Variants in ZNF577 observed in about 807,000 individuals in gnomAD.
ZNF577 encodes the protein zinc finger protein 577.
ZNF577 carries 14 observed loss-of-function variants against 13.9 expected under a neutral mutation model. The observed-to-expected ratio is 1.00, with a 90% CI of 0.66 to 1.57. The LOEUF (loss-of-function observed/expected upper bound fraction) is 1.57. Among genes scored for constraint, ZNF577 ranks in the 40% most tolerant of loss-of-function variants. The pLI, the probability that ZNF577 is intolerant of heterozygous loss-of-function variation, is 0.00. For missense variants in ZNF577, 555 were observed against 579.2 expected (o/e 0.96, Z 0.43); for synonymous variants, 203 against 202.9 (o/e 1.00, Z 0.00).
chr19:51,880,209 C>T, intron 3 of ZNF577, 114 bp downstream of exon 3: 1 of 1,106,438 alleles, frequency 9.0e-7, no homozygotes, highest in Non-Finnish European at 1.4e-6. Context: ...AGGAAAAAGC[C>T]ATAGAAAACA....
intron 5 of ZNF577, among the ~76,000 whole-genome samples, chr19:51,847,764 G>C (rs945248033): frequency 6.6e-6 from 1 of 152,148 alleles, no homozygotes; most frequent in Non-Finnish European, 1.5e-5. Flanking sequence ...CAGCGCTGCG[G>C]GATTCCTAAG....
chr19:51,884,149 C>T (rs1049449093), intron 1 of ZNF577, among the ~76,000 whole-genome samples: 1 of 151,592 alleles, frequency 6.6e-6, no homozygotes, highest in Non-Finnish European at 1.5e-5. Flanking sequence ...AAGTGGCTCA[C>T]ACCCGTAATC....
rs761634180 is a variant in ZNF577, at chr19:51,872,741, T to A, written c.1249A>T (p.Met417Leu). Residue 417 changes from methionine to leucine, a missense_variant, in exon 6 of 6, where the codon ATG becomes TTG. Transcript: ENST00000638348. ...AATGGCGGGGTTCCTGAGGAAGGCA[T>A]TTCTATAGGTACTGTGTTCACAGTC... ...QKTVNTVPIE[M>L]PSSGTPPLLN... 1 of 1,614,178 alleles carries A rather than the reference T, an allele frequency of 6.2e-7. No individual in the cohort carries two copies. Among genetic ancestry groups the A allele is most frequent in the Non-Finnish European group, 8.5e-7 (1 of 1,180,032 alleles).
intron 9 of ZNF577, among the ~76,000 whole-genome samples, chr19:51,818,359 T>A (rs1038106188): frequency 2.0e-5 from 3 of 152,220 alleles, no homozygotes; most frequent in Non-Finnish European, 2.9e-5. Flanking sequence ...ACCTGAAAAC[T>A]ATAAGACACA....
Position 51,872,562 on chromosome 19 carries a change from G to C in ZNF577, c.1428C>G (p.Ile476Met). ...CTGATACAATATCTGTAAGATACAA[G>C]ATATAATTTATTACTGATGGGGCCA... is the stretch of plus-strand genomic sequence containing the variant. The part of the protein sequence containing the change: ...VNVAPSVINY[I>M]LYLTDIVSE Residue 476 changes from isoleucine to methionine, a missense_variant, in exon 6 of 6, where the codon ATC (isoleucine) becomes ATG (methionine). Coordinates refer to ENST00000638348, the MANE Select transcript of ZNF577 (RefSeq NM_001370449.1). 6.2e-7 allele frequency: 1 copy of C among 1,604,240 alleles called. No individual in the cohort carries two copies. Among genetic ancestry groups the C allele is most frequent in the Non-Finnish European group, 8.5e-7 (1 of 1,176,088 alleles).
rs1599876752 is a variant in ZNF577, at chr19:51,880,740, T to C, written c.-81A>G. 1 of 243,794 alleles carries C rather than the reference T, an allele frequency of 4.1e-6. No individual in the cohort carries two copies. The highest frequency in any genetic ancestry group is 1.1e-4 in the East Asian group (1 of 9,364). The allele number at this position is 243,794 out of a possible 1,614,324, so 15.1% of individuals were successfully genotyped here. ...AGCAACTCTAGTATGTTCTCTCTCT[T>C]CTGTCTATTCTGGGCCTTCCCAGAA... On this transcript the variant is annotated 5_prime_UTR_variant, in exon 2 of 6. Transcript: ENST00000638348.
intron 5 of ZNF577, among the ~76,000 whole-genome samples, chr19:51,859,763 GA>G (rs1049993248): frequency 5.9e-5 from 9 of 151,986 alleles, no homozygotes; most frequent in Middle Eastern, 3.4e-3. Context: ...TGATTCATAA[GA>G]AAAAAACATT....
rs1339342963 is a variant in ZNF577, at chr19:51,872,346, C to G, written c.*186G>C. On this transcript the variant is annotated 3_prime_UTR_variant, in exon 6 of 6. Transcript: ENST00000638348. ...TTGAGATATCATCTCCAGGTAAAGACTTCCTCATAACAGCTGCATTTCTAC... is the reference window on the plus strand; with the variant it reads ...TTGAGATATCATCTCCAGGTAAAGAGTTCCTCATAACAGCTGCATTTCTAC... 1 of 525,326 alleles carries G rather than the reference C, an allele frequency of 1.9e-6. No homozygotes were observed. The highest frequency in any genetic ancestry group is 1.9e-5 in the African/African-American group (1 of 51,708). The allele number at this position is 525,326 out of a possible 1,614,324, so 32.5% of individuals were successfully genotyped here.
chr19:51,825,646 A>C (rs1337300446), intron 9 of ZNF577: 1 of 167,148 alleles, frequency 6.0e-6, no homozygotes, highest in East Asian at 1.9e-4. Flanking sequence ...CAGATACCCT[A>C]ATCCCAGTCC....
Position 51,885,598 on chromosome 19 carries a change from G to A in ZNF577, c.-219+1223C>T, listed in dbSNP as rs1204628619. Among the ~76,000 whole-genome samples the A allele has an allele frequency of 3.3e-5, 5 of 152,060 alleles. No individual in the cohort carries two copies. The South Asian group carries it at 6.2e-4, about 19-fold the overall frequency. On this transcript the variant is annotated intron_variant, in intron 1 of 5. Transcript: ENST00000638348. Reference sequence around the variant, plus strand: ...ATGATCCCAGCTCACTGCAACTTCTGTCTCCTGGGTTCAAGTGATTCTCCT... The same window carrying A: ...ATGATCCCAGCTCACTGCAACTTCTATCTCCTGGGTTCAAGTGATTCTCCT...
Position 51,873,368 on chromosome 19 carries a change from G to C in ZNF577, c.622C>G (p.His208Asp). Residue 208 changes from histidine (H) to aspartate (D), a missense_variant, in exon 6 of 6, where the codon CAC becomes GAC. By Grantham distance (81) the His-to-Asp change is moderately conservative. Transcript: ENST00000638348. The part of the protein sequence containing the change: ...KIQLTEHQRT[H>D]TGEKPHECSE... ...CATTCATGGGGCTTCTCTCCTGTGT[G>C]AGTTCTCTGATGCTCAGTGAGCTGA... 5 of 1,614,196 alleles carry C rather than the reference G, an allele frequency of 3.1e-6. No individual in the cohort carries two copies. The highest frequency in any genetic ancestry group is 4.2e-6 in the Non-Finnish European group (5 of 1,180,040).
intron 9 of ZNF577, among the ~76,000 whole-genome samples, chr19:51,835,766 C>T (rs1342908071): frequency 1.3e-5 from 2 of 152,228 alleles, no homozygotes; most frequent in East Asian, 3.9e-4. Flanking sequence ...GATCTCGGCT[C>T]ACTGCAACCT....
At chr19:51,843,064 TAAAA>T (rs889361534) in intron 7 of ZNF577, 9 of 151,220 alleles carry the variant, frequency 6.0e-5, no homozygotes, top group African/African-American at 2.2e-4. Flanking sequence ...GATTATAAAG[TAAAA>T]AAAGTTCTAA....
intron 5 of ZNF577, chr19:51,860,136 C>G (rs1390401488): frequency 1.3e-5 from 2 of 152,094 alleles, no homozygotes; most frequent in Non-Finnish European, 2.9e-5. Context: ...TTAAAAAGCC[C>G]TGACAATTAC....
rs1179382824 is a variant in ZNF577 at position 51,870,407 on chromosome 19, C to T, written c.*2125G>A. Among the ~76,000 whole-genome samples, 2 of 152,086 alleles carry T rather than the reference C, an allele frequency of 1.3e-5. No individual in the cohort carries two copies. The highest frequency in any genetic ancestry group is 2.9e-5 in the Non-Finnish European group (2 of 68,038). ...GAAAGTATGGCCTTTTCATGGCTTG[C>T]ATGTATGCTTTGTGAGGAGAGTTCG... On this transcript the variant is annotated 3_prime_UTR_variant, in exon 6 of 6. Transcript: ENST00000638348.
In ZNF577 at chr19:51,848,197, G is replaced by A. The variant is rs112670199; in HGVS notation, c.284-3266C>T. Among the ~76,000 whole-genome samples the A allele has an allele frequency of 9.8e-3, 1,488 of 152,202 alleles. 24 individuals are homozygous for A. The highest frequency in any genetic ancestry group is 0.033 in the African/African-American group (1,380 of 41,532). ...CGTAGGGCATGCTTAGTAGGATTTC[G>A]GCACTTTCAACTAGTCTTCCGACCT... On this transcript the variant is annotated intron_variant and NMD_transcript_variant, in intron 5 of 10. Transcript: ENST00000638827.
chr19:51,846,246 C>T (rs10153456), intron 5 of ZNF577, among the ~76,000 whole-genome samples: 27,468 of 152,106 alleles, frequency 0.18, 2,654 homozygotes, highest in South Asian at 0.33. Context: ...CTGTATAACA[C>T]AGTGAGTTCT....
At position 51,880,329 on chromosome 19, in the gene ZNF577, T is replaced by C. The variant is rs774921008; in HGVS notation, c.54A>G (p.Ser18=). Residue 18 remains serine (S), a synonymous_variant, in exon 3 of 6, where the codon TCA becomes TCG. Transcript: ENST00000638348. ...MSVRREQGSS[S]GEGSLSFEDV... Reference sequence around the variant, plus strand: ...ACAGCAATGACAAATTTACCTCCCCTGAAGAACTGCCTTGCTCTCTCCTCA... The same window carrying C: ...ACAGCAATGACAAATTTACCTCCCCCGAAGAACTGCCTTGCTCTCTCCTCA... 6.2e-7 allele frequency: 1 copy of C among 1,614,098 alleles called. No homozygotes were observed. Among genetic ancestry groups the C allele is most frequent in the Non-Finnish European group, 8.5e-7 (1 of 1,180,002 alleles).
chr19:51,884,211 A>C (rs1215916357), intron 1 of ZNF577, among the ~76,000 whole-genome samples: 1 of 152,220 alleles, frequency 6.6e-6, no homozygotes, highest in African/African-American at 2.4e-5. Flanking sequence ...CAGGAGTTCA[A>C]GACCAGCCTG....
Sources: allele counts gnomAD v4.1 joint callset (sites outside exome capture counted in the v4.1 genomes callset), GRCh38; gene constraint gnomAD v4.1.1; transcripts MANE v1.5; gene names NCBI Gene and HGNC (gene_info 2026-07-23, HGNC 2026-07-21).